HACD2: variants seen among roughly 807,000 people sequenced by gnomAD.
HACD2 encodes the protein 3-hydroxyacyl-CoA dehydratase 2.
Under a neutral mutation model 31.0 loss-of-function variants are expected in HACD2, and 15 were observed. The ratio of observed to expected loss-of-function variants is 0.48; its 90% CI spans 0.32 to 0.75. HACD2 has a LOEUF of 0.75. Among genes scored for constraint, HACD2 ranks in the 30% least tolerant of loss-of-function variants. HACD2 has a pLI of 0.03. For synonymous variants in HACD2, 115 were observed against 122.2 expected (o/e 0.94, Z 0.39); for missense variants, 283 against 313.0 (o/e 0.90, Z 0.72).
chr3:123,549,012 G>T (rs1158417702), intron 3 of HACD2, among the ~76,000 whole-genome samples: 2 of 149,582 alleles, frequency 1.3e-5, no homozygotes, highest in East Asian at 3.9e-4. Context: ...CTCTCTGAAA[G>T]CAATACCATT....
chr3:123,544,936 T>C (rs2056539004), intron 3 of HACD2, among the ~76,000 whole-genome samples: 1 of 143,404 alleles, frequency 7.0e-6, no homozygotes, highest in Non-Finnish European at 1.5e-5. Context: ...TAGCAGCATG[T>C]GGTGGTGCAT....
At chr3:123,569,902 T>C (rs1407073824) in intron 2 of HACD2, among the ~76,000 whole-genome samples, 1 of 143,344 alleles carries the variant, frequency 7.0e-6, no homozygotes, top group Non-Finnish European at 1.5e-5. Context: ...GGCAGGAGAA[T>C]CGCTTGAACC....
intron 5 of HACD2, among the ~76,000 whole-genome samples, chr3:123,501,243 A>C (rs771092840): frequency 4.6e-5 from 7 of 152,218 alleles, no homozygotes; most frequent in Admixed American, 2.0e-4. Context: ...TAAAATTCAT[A>C]ATAGCTTTTG....
chr3:123,530,141 C>A (rs181496507), intron 3 of HACD2, among the ~76,000 whole-genome samples: 2 of 152,184 alleles, frequency 1.3e-5, no homozygotes, highest in South Asian at 4.1e-4. Flanking sequence ...GCAATAACTA[C>A]CTAGGCACCT....
chr3:123,545,810 C>A (rs957363295), intron 3 of HACD2, among the ~76,000 whole-genome samples: 12 of 150,930 alleles, frequency 8.0e-5, no homozygotes, highest in Non-Finnish European at 1.5e-4. Context: ...CTCCTGAGTT[C>A]AAGTGATTCT....
intron 6 of HACD2, among the ~76,000 whole-genome samples, chr3:123,496,537 C>T (rs973814714): frequency 6.6e-6 from 1 of 152,184 alleles, no homozygotes; most frequent in Non-Finnish European, 1.5e-5. Context: ...CTGCCATCCA[C>T]GCCATTGCTA....
chr3:123,579,657 T>C (rs924887034), intron 2 of HACD2, among the ~76,000 whole-genome samples: 1 of 152,126 alleles, frequency 6.6e-6, no homozygotes, highest in Non-Finnish European at 1.5e-5. Context: ...CTTTAAATTA[T>C]TGAAGTATTC....
intron 2 of HACD2, among the ~76,000 whole-genome samples, chr3:123,569,736 C>A (rs575652717): frequency 1.3e-5 from 2 of 152,024 alleles, no homozygotes; most frequent in East Asian, 3.9e-4. Context: ...GCGTATAATC[C>A]CAGCACTTTG....
chr3:123,493,847 A>T lies in HACD2; in HGVS notation c.*1041T>A, dbSNP rs936164. Reference sequence around the variant, plus strand: ...TAGCTTGGTGGAAATTAACATAGGAAGTTAATTAGCAAAAGTATCCAAACA... The same window carrying T: ...TAGCTTGGTGGAAATTAACATAGGATGTTAATTAGCAAAAGTATCCAAACA... On this transcript the variant is annotated 3_prime_UTR_variant, in exon 7 of 7. Coordinates refer to ENST00000383657, the MANE Select transcript of HACD2 (RefSeq NM_198402.5). 6.6e-5 allele frequency: 10 copies of T among 152,226 alleles called. No individual in the cohort carries two copies. The highest frequency in any genetic ancestry group is 1.2e-4 in the Non-Finnish European group (8 of 68,028). The allele number at this position is 152,226 out of a possible 1,614,324, so 9.4% of individuals were successfully genotyped here.
At chr3:123,508,721 T>G (rs1054378665) in intron 4 of HACD2, among the ~76,000 whole-genome samples, 57 of 152,172 alleles carry the variant, frequency 3.7e-4, no homozygotes, top group African/African-American at 1.4e-3. Flanking sequence ...GGACTAGGCT[T>G]TGCTTTTGGA....
At chr3:123,539,911 TAAAAAAAAAAA>T (rs71142741) in intron 3 of HACD2, among the ~76,000 whole-genome samples, 29 of 24,482 alleles carry the variant, frequency 1.2e-3, no homozygotes, top group Middle Eastern at 0.062. Flanking sequence ...TCGTCTCTAC[TAAAAAAAAAAA>T]AAAAAAAAAA....
intron 4 of HACD2, among the ~76,000 whole-genome samples, chr3:123,512,487 A>G (rs997582): frequency 6.6e-6 from 1 of 151,954 alleles, no homozygotes; most frequent in African/African-American, 2.4e-5. Flanking sequence ...TGGTGAGGAC[A>G]TGGAAAGGTG....
At chr3:123,540,969 T>A (rs775104234) in intron 3 of HACD2, among the ~76,000 whole-genome samples, 65 of 152,340 alleles carry the variant, frequency 4.3e-4, no homozygotes, top group Non-Finnish European at 7.6e-4. Flanking sequence ...TATGCAAAGC[T>A]TTTTCAAAAA....
intron 4 of HACD2, among the ~76,000 whole-genome samples, chr3:123,510,932 GTTTT>G (rs67094405): frequency 7.0e-6 from 1 of 142,606 alleles, no homozygotes; most frequent in African/African-American, 2.6e-5. Context: ...CATTTGCTGT[GTTTT>G]TTTTTTTTGT....
intron 3 of HACD2, among the ~76,000 whole-genome samples, chr3:123,555,040 T>A (rs2056659609): frequency 6.6e-6 from 1 of 151,898 alleles, no homozygotes; most frequent in African/African-American, 2.4e-5. Flanking sequence ...GCAAGACAGG[T>A]CAAGCAGACA....
At chr3:123,524,438 A>G (rs137974016) in intron 4 of HACD2, among the ~76,000 whole-genome samples, 1 of 152,280 alleles carries the variant, frequency 6.6e-6, no homozygotes, top group African/African-American at 2.4e-5. Flanking sequence ...CTTGAGCAGT[A>G]AAAAAACAGA....
At chr3:123,556,214 A>T (rs1345007984) in intron 3 of HACD2, among the ~76,000 whole-genome samples, 1 of 152,106 alleles carries the variant, frequency 6.6e-6, no homozygotes. Context: ...AGGCAGGCAG[A>T]TCTATTGACC....
intron 2 of HACD2, among the ~76,000 whole-genome samples, chr3:123,574,008 G>C (rs2056881735): frequency 6.6e-6 from 1 of 152,132 alleles, no homozygotes; most frequent in Non-Finnish European, 1.5e-5. Flanking sequence ...AATGAATCGA[G>C]GGCGAGAGAG....
intron 3 of HACD2, among the ~76,000 whole-genome samples, chr3:123,553,193 A>G (rs2056638158): frequency 6.6e-6 from 1 of 152,230 alleles, no homozygotes; most frequent in South Asian, 2.1e-4. Context: ...AAAAGTATGT[A>G]TATTTACAGA....
Sources: gnomAD v4.1 joint callset for allele counts (sites outside exome capture counted in the v4.1 genomes callset) on GRCh38, gnomAD v4.1.1 for gene constraint, MANE v1.5 for transcripts, NCBI Gene and HGNC (gene_info 2026-07-23, HGNC 2026-07-21) for gene names.